LRRTM4: variants seen among roughly 807,000 people sequenced by gnomAD.
LRRTM4 encodes leucine rich repeat transmembrane neuronal 4, also known as leucine-rich repeat transmembrane neuronal protein 4.
LRRTM4 carries 25 observed loss-of-function variants against 47.6 expected under a neutral mutation model. The ratio of observed to expected loss-of-function variants is 0.53; its 90% CI spans 0.38 to 0.73. The LOEUF (loss-of-function observed/expected upper bound fraction) is 0.73, where lower values mean the gene tolerates loss of function less well. Ranked by LOEUF, LRRTM4 falls within the 30% of genes least tolerant of loss-of-function variation. LRRTM4 has a pLI of 0.00. For synonymous variants in LRRTM4, 311 were observed against 269.5 expected (o/e 1.15, Z -1.51); for missense variants, 638 against 713.4 (o/e 0.89, Z 1.20).
intron 3 of LRRTM4, among the ~76,000 whole-genome samples, chr2:77,390,700 T>C (rs540002833): frequency 4.6e-4 from 69 of 151,624 alleles, no homozygotes; most frequent in African/African-American, 1.6e-3. Context: ...ATGATGATGA[T>C]TTTCAAAATT....
chr2:77,417,177 C>A (rs1325079836), intron 3 of LRRTM4, among the ~76,000 whole-genome samples: 1 of 152,160 alleles, frequency 6.6e-6, no homozygotes, highest in Non-Finnish European at 1.5e-5. Flanking sequence ...AAATGCAAAT[C>A]AAAACCACAA....
At chr2:77,261,560 A>G (rs1330958801) in intron 3 of LRRTM4, among the ~76,000 whole-genome samples, 1 of 152,040 alleles carries the variant, frequency 6.6e-6, no homozygotes, top group African/African-American at 2.4e-5. Context: ...GGATTGCATG[A>G]AGTCTTTATT....
intron 3 of LRRTM4, among the ~76,000 whole-genome samples, chr2:76,877,894 C>A (rs868656964): frequency 4.5e-4 from 67 of 149,156 alleles, no homozygotes; most frequent in African/African-American, 1.6e-3. Flanking sequence ...AAAGAGAGAA[C>A]GAAAAAATAA....
At chr2:76,964,096 C>T (rs1675947548) in intron 3 of LRRTM4, among the ~76,000 whole-genome samples, 1 of 150,854 alleles carries the variant, frequency 6.6e-6, no homozygotes, top group Non-Finnish European at 1.5e-5. Flanking sequence ...AGTCAGAATT[C>T]ATTTGGAATT....
rs1404962079 is a variant in LRRTM4, at chr2:76,865,587, C to A, written c.1552-116671G>T. Among the ~76,000 whole-genome samples the A allele has an allele frequency of 3.9e-5, 6 of 152,110 alleles. No individual in the cohort carries two copies. The East Asian group carries it at 1.2e-3, about 29-fold the overall frequency. Reference sequence around the variant, plus strand: ...GTTTTTCTAGATTTTCACATAAGTTCTCATTGAACATATGAACTCACATAA... The same window carrying A: ...GTTTTTCTAGATTTTCACATAAGTTATCATTGAACATATGAACTCACATAA... On this transcript the variant is annotated intron_variant, in intron 3 of 3. Transcript: ENST00000409884.
intron 3 of LRRTM4, among the ~76,000 whole-genome samples, chr2:77,269,307 C>A (rs991694137): frequency 9.2e-5 from 14 of 151,896 alleles, no homozygotes; most frequent in Admixed American, 9.2e-4. Flanking sequence ...AATAGGAGGG[C>A]CTGGAGCTGG....
At chr2:77,357,335 C>G (rs1429063164) in intron 3 of LRRTM4, among the ~76,000 whole-genome samples, 1 of 152,114 alleles carries the variant, frequency 6.6e-6, no homozygotes, top group Non-Finnish European at 1.5e-5. Flanking sequence ...TGACCTTTTT[C>G]TATTTCCCAC....
intron 3 of LRRTM4, among the ~76,000 whole-genome samples, chr2:76,900,931 C>T (rs183286485): frequency 1.1e-4 from 17 of 152,260 alleles, no homozygotes; most frequent in Non-Finnish European, 5.9e-5. Context: ...CCTAAAAATA[C>T]GCCAATGCAT....
At chr2:76,842,273 T>C (rs778053858) in intron 3 of LRRTM4, among the ~76,000 whole-genome samples, 4 of 152,232 alleles carry the variant, frequency 2.6e-5, no homozygotes, top group Non-Finnish European at 4.4e-5. Context: ...CCATTGGCTC[T>C]CTGGGCTCTC....
intron 3 of LRRTM4, among the ~76,000 whole-genome samples, chr2:77,224,336 C>T (rs1027252103): frequency 3.3e-5 from 5 of 152,122 alleles, no homozygotes; most frequent in African/African-American, 1.2e-4. Flanking sequence ...GAAGCAATGG[C>T]AACAAAAGCC....
chr2:77,268,822 C>T (rs1224038481), intron 3 of LRRTM4, among the ~76,000 whole-genome samples: 2 of 152,124 alleles, frequency 1.3e-5, no homozygotes, highest in African/African-American at 4.8e-5. Context: ...TTTCTGTCAT[C>T]TAGTGGTTTT....
chr2:77,136,396 C>A (rs7598336), intron 3 of LRRTM4, among the ~76,000 whole-genome samples: 53,686 of 152,026 alleles, frequency 0.35, 10,519 homozygotes, highest in African/African-American at 0.52. Context: ...GCAAACTCCA[C>A]CAGACCTGCA....
intron 3 of LRRTM4, among the ~76,000 whole-genome samples, chr2:76,756,811 G>C (rs978511801): frequency 6.6e-6 from 1 of 152,080 alleles, no homozygotes; most frequent in Non-Finnish European, 1.5e-5. Flanking sequence ...GAATTCGAAA[G>C]AAGACGAGGA....
At chr2:77,146,573 G>A (rs1018281378) in intron 3 of LRRTM4, among the ~76,000 whole-genome samples, 8 of 152,022 alleles carry the variant, frequency 5.3e-5, no homozygotes, top group African/African-American at 1.7e-4. Context: ...TTTTAAGCCG[G>A]GAATAACTAG....
At chr2:76,946,278 T>C (rs955748471) in intron 3 of LRRTM4, among the ~76,000 whole-genome samples, 24 of 151,898 alleles carry the variant, frequency 1.6e-4, no homozygotes, top group African/African-American at 5.3e-4. Context: ...CTAGAGGGAA[T>C]TGAGGTATTG....
chr2:76,973,226 ATATC>A (rs1241285739), intron 3 of LRRTM4, among the ~76,000 whole-genome samples: 3 of 152,028 alleles, frequency 2.0e-5, no homozygotes, highest in African/African-American at 7.2e-5. Flanking sequence ...GACTTCTATG[ATATC>A]TATCTTGAAA....
intron 3 of LRRTM4, among the ~76,000 whole-genome samples, chr2:76,892,822 C>T (rs1673296817): frequency 6.6e-6 from 1 of 151,468 alleles, no homozygotes; most frequent in Non-Finnish European, 1.5e-5. Context: ...TTTCCTGAGC[C>T]ACTTTTCAAG....
chr2:77,094,309 A>G (rs185512146), intron 3 of LRRTM4, among the ~76,000 whole-genome samples: 12 of 152,330 alleles, frequency 7.9e-5, no homozygotes, highest in Admixed American at 3.3e-4. Context: ...ATGCTATCCC[A>G]CATTTATGGA....
At chr2:77,041,155 T>C (rs971021405) in intron 3 of LRRTM4, among the ~76,000 whole-genome samples, 4 of 151,540 alleles carry the variant, frequency 2.6e-5, no homozygotes, top group Non-Finnish European at 5.9e-5. Flanking sequence ...ATTCCACCTA[T>C]GAGTGAGATC....
Sources: allele counts gnomAD v4.1 joint callset (sites outside exome capture counted in the v4.1 genomes callset), GRCh38; gene constraint gnomAD v4.1.1; transcripts MANE v1.5; gene names NCBI Gene and HGNC (gene_info 2026-07-23, HGNC 2026-07-21).